The following CFAP53 variants were observed in gnomAD, a reference collection of about 807,000 sequenced individuals.
CFAP53 encodes the protein cilia and flagella associated protein 53, also known as cilia- and flagella-associated protein 53.
Under a neutral mutation model 59.7 loss-of-function variants are expected in CFAP53, and 62 were observed. The observed-to-expected ratio is 1.04, with a 90% CI of 0.85 to 1.28. The LOEUF (loss-of-function observed/expected upper bound fraction) is 1.28. CFAP53 is among the 50% of genes most tolerant of loss of function. The probability of loss-of-function intolerance (pLI) is 0.00; values close to 1 mark genes in which losing one functional copy is unlikely to be tolerated. For missense variants in CFAP53, 629 were observed against 615.6 expected (o/e 1.02, Z -0.23); for synonymous variants, 218 against 205.7 (o/e 1.06, Z -0.51).
chr18:50,239,455 A>G (rs963968703), intron 6 of CFAP53, among the ~76,000 whole-genome samples: 2 of 152,216 alleles, frequency 1.3e-5, no homozygotes, highest in African/African-American at 2.4e-5. Context: ...CAAAATAATA[A>G]ATACAACTGG....
At chr18:50,262,693 A>G (rs184925632) in intron 1 of CFAP53, among the ~76,000 whole-genome samples, 34 of 152,324 alleles carry the variant, frequency 2.2e-4, no homozygotes, top group Admixed American at 1.3e-3. Flanking sequence ...AGGTGCTACT[A>G]TGCGAATATA....
rs536835651 is a variant in CFAP53 at position 50,252,208 on chromosome 18, A to G, written c.474-424T>C. On this transcript the variant is annotated intron_variant, in intron 3 of 7. Transcript: ENST00000398545. ...AAGCTCTACCTCTCGGGTTCATGCC[A>G]TTCTCCTGCCTCAGCCTTCTGAGTA... Among the ~76,000 whole-genome samples the G allele has an allele frequency of 7.2e-5, 11 of 151,920 alleles. No individual in the cohort carries two copies. In the East Asian group the frequency reaches 1.9e-3, roughly 27 times the overall value.
chr18:50,246,870 A>T (rs1446388334), intron 5 of CFAP53, among the ~76,000 whole-genome samples: 1 of 151,036 alleles, frequency 6.6e-6, no homozygotes, highest in Non-Finnish European at 1.5e-5. Context: ...ACATGGTGAA[A>T]CCCCGTCTCT....
At chr18:50,266,018 C>T (rs1031833938) in intron 1 of CFAP53, among the ~76,000 whole-genome samples, 1 of 152,202 alleles carries the variant, frequency 6.6e-6, no homozygotes, top group African/African-American at 2.4e-5. Flanking sequence ...GGGGGACAGA[C>T]ATCCTTCCGG....
chr18:50,239,156 G>A (rs371015046), intron 6 of CFAP53, among the ~76,000 whole-genome samples: 2 of 151,588 alleles, frequency 1.3e-5, no homozygotes, highest in East Asian at 1.9e-4. Context: ...GGGAGGCTGA[G>A]GCAGGTGGGT....
chr18:50,266,293 A>AG, intron 1 of CFAP53, 43 bp downstream of exon 1: 3 of 1,598,788 alleles, frequency 1.9e-6, no homozygotes, highest in Non-Finnish European at 2.6e-6. Flanking sequence ...GTGCGGAGAG[A>AG]TGGAGAAAGC....
rs921299245 is a variant in CFAP53 at position 50,251,520 on chromosome 18, C to T, written c.738G>A (p.Gln246=). The T allele has an allele frequency of 1.2e-6, 2 of 1,614,082 alleles. No individual in the cohort carries two copies. Among genetic ancestry groups the T allele is most frequent in the Non-Finnish European group, 1.7e-6 (2 of 1,180,038 alleles). ...CCTCTTCCTTCAGCAGCTGTGTCGC[C>T]TGCCTTTGTGCCTTGATGCTGGTGA... ...AQITSIKAQR[Q]ATQLLKEEEA... is the part of the protein sequence containing the mutation. The change falls in exon 4 of 8, where the codon CAG becomes CAA. Residue 246 remains glutamine, a synonymous_variant. Transcript: ENST00000398545.
At chr18:50,231,842 T>C (rs957955344) in intron 7 of CFAP53, among the ~76,000 whole-genome samples, 1 of 152,186 alleles carries the variant, frequency 6.6e-6, no homozygotes, top group Non-Finnish European at 1.5e-5. Context: ...AATCCTCCTG[T>C]GGAGTCAGCC....
intron 6 of CFAP53, among the ~76,000 whole-genome samples, chr18:50,239,198 G>A (rs1409630670): frequency 6.6e-6 from 1 of 151,704 alleles, no homozygotes; most frequent in Non-Finnish European, 1.5e-5. Flanking sequence ...GACCAGCCCG[G>A]CCAACATGGT....
At position 50,234,249 on chromosome 18, in the gene CFAP53, T is replaced by C. The variant is rs369652559; in HGVS notation, c.1316+4354A>G. On this transcript the variant is annotated intron_variant, in intron 7 of 7. Transcript: ENST00000398545. ...AGCAAAATTTATAGTGATCCTTTTA[T>C]GCCTATAAACAGTTCAGCTACTGGG... Among the ~76,000 whole-genome samples, 370 of 152,348 alleles carry C rather than the reference T, an allele frequency of 2.4e-3. 2 individuals are homozygous for C. Among genetic ancestry groups the C allele is most frequent in the Non-Finnish European group, 3.7e-3 (252 of 68,030 alleles).
intron 7 of CFAP53, among the ~76,000 whole-genome samples, chr18:50,237,845 G>A (rs1437129281): frequency 6.6e-6 from 1 of 152,156 alleles, no homozygotes; most frequent in Non-Finnish European, 1.5e-5. Context: ...GAGTGTTCTA[G>A]TGCAGTAAGG....
chr18:50,232,513 C>T (rs941066268), intron 7 of CFAP53, among the ~76,000 whole-genome samples: 7 of 152,166 alleles, frequency 4.6e-5, no homozygotes, highest in African/African-American at 1.7e-4. Context: ...CGCCAGGTTA[C>T]TGAAAGGCAG....
rs1227035992 is a variant in CFAP53 at position 50,257,759 on chromosome 18, G to T, written c.473+3305C>A. ...ATTCTTCACAGAAACAGAAAAAACA[G>T]TTGCTCATGCCTATAATCCCAGAAC... On this transcript the variant is annotated intron_variant, in intron 3 of 7. Transcript: ENST00000398545. 2.0e-5 allele frequency among the ~76,000 whole-genome samples: 3 copies of T among 152,310 alleles called. No homozygotes were observed. In the East Asian group the frequency reaches 5.8e-4, roughly 29 times the overall value.
intron 3 of CFAP53, among the ~76,000 whole-genome samples, chr18:50,259,011 T>C (rs2033868500): frequency 1.3e-5 from 2 of 152,174 alleles, no homozygotes; most frequent in Non-Finnish European, 2.9e-5. Context: ...TTTGTGGGAA[T>C]GTAATACAAC....
At chr18:50,239,810 T>C (rs905951127) in intron 6 of CFAP53, among the ~76,000 whole-genome samples, 13 of 152,304 alleles carry the variant, frequency 8.5e-5, no homozygotes, top group African/African-American at 2.6e-4. Flanking sequence ...GTAGTAAAAA[T>C]ACTAGAAGAA....
At chr18:50,253,110 G>A (rs1018028265) in intron 3 of CFAP53, among the ~76,000 whole-genome samples, 3 of 150,828 alleles carry the variant, frequency 2.0e-5, no homozygotes, top group Non-Finnish European at 2.9e-5. Flanking sequence ...TCTGCCTCCC[G>A]GGCTCACGCC....
chr18:50,247,754 G>A (rs1198262483), intron 5 of CFAP53, among the ~76,000 whole-genome samples: 1 of 152,180 alleles, frequency 6.6e-6, no homozygotes, highest in East Asian at 1.9e-4. Context: ...GTCCAGAATG[G>A]GGAAATCTAT....
chr18:50,240,689 T>C (rs541662791), intron 6 of CFAP53, among the ~76,000 whole-genome samples: 6 of 152,362 alleles, frequency 3.9e-5, no homozygotes, highest in African/African-American at 1.4e-4. Flanking sequence ...TATAAAAATC[T>C]TTTCAGCATA....
rs115370590 is a variant in CFAP53 at position 50,230,318 on chromosome 18, A to G, written c.1317-2709T>C. Among the ~76,000 whole-genome samples, 602 of 152,236 alleles carry G rather than the reference A, an allele frequency of 4.0e-3. 3 individuals are homozygous for G. Among genetic ancestry groups the G allele is most frequent in the African/African-American group, 0.014 (569 of 41,548 alleles). ...AAGACCAAGTGATGAGGGGGTTAGG[A>G]CTTTCAGCCCCACCCACTGACCTCT... On this transcript the variant is annotated intron_variant, in intron 7 of 7. Coordinates refer to ENST00000398545, the MANE Select transcript of CFAP53 (RefSeq NM_145020.5).
Sources: gnomAD v4.1 joint callset for allele counts (sites outside exome capture counted in the v4.1 genomes callset) on GRCh38, gnomAD v4.1.1 for gene constraint, MANE v1.5 for transcripts, NCBI Gene and HGNC (gene_info 2026-07-23, HGNC 2026-07-21) for gene names.